MTA3: variants seen among roughly 807,000 people sequenced by gnomAD.
MTA3 encodes metastasis-associated protein MTA3.
In MTA3, 34 loss-of-function variants were observed where a neutral mutation model predicts 83.5. The observed-to-expected ratio is 0.41, with a 90% CI of 0.31 to 0.54. The LOEUF is 0.54. MTA3 is among the 20% of genes least tolerant of loss of function. MTA3 has a pLI of 0.33. For synonymous variants in MTA3, 303 were observed against 252.7 expected (o/e 1.20, Z -1.89); for missense variants, 761 against 726.4 (o/e 1.05, Z -0.55).
At chr2:42,643,242 G>A (rs1328080580) in intron 5 of MTA3, among the ~76,000 whole-genome samples, 1 of 151,974 alleles carries the variant, frequency 6.6e-6, no homozygotes, top group Non-Finnish European at 1.5e-5. Context: ...TTCCTTTGCT[G>A]GGGCTTGGTA....
intron 2 of MTA3, among the ~76,000 whole-genome samples, chr2:42,562,025 A>G (rs115638801): frequency 3.3e-5 from 5 of 152,054 alleles, no homozygotes; most frequent in African/African-American, 1.2e-4. Context: ...CTGGGGGACA[A>G]TCCATCCCAT....
chr2:42,615,711 CTTTTTT>C (rs35331224), intron 4 of MTA3, among the ~76,000 whole-genome samples: 20 of 59,804 alleles, frequency 3.3e-4, no homozygotes, highest in Middle Eastern at 0.025. Flanking sequence ...ATAATCTCTT[CTTTTTT>C]TTTTTTTTTT....
At position 42,701,013 on chromosome 2, in the gene MTA3, G is replaced by T. The variant is rs1693812980; in HGVS notation, c.1025+3179G>T. Among the ~76,000 whole-genome samples, 7 of 152,236 alleles carry T rather than the reference G, an allele frequency of 4.6e-5. No homozygotes were observed. In the South Asian group the frequency reaches 1.5e-3, roughly 32 times the overall value. On this transcript the variant is annotated intron_variant, in intron 11 of 16. Transcript: ENST00000405094. The stretch of plus-strand genomic sequence containing the variant: ...CTTGGGAGGCTGAGGTAGGAGGATT[G>T]CTTGAACCTGGGGGTTTGATGCTGC...
chr2:42,539,444 G>C (rs866810645), intron 2 of MTA3, among the ~76,000 whole-genome samples: 1 of 152,146 alleles, frequency 6.6e-6, no homozygotes, highest in Middle Eastern at 3.4e-3. Flanking sequence ...CACGAGAATA[G>C]CATGGGGGAA....
intron 4 of MTA3, among the ~76,000 whole-genome samples, chr2:42,613,254 C>T (rs1031971513): frequency 6.6e-5 from 10 of 152,176 alleles, no homozygotes; most frequent in Non-Finnish European, 2.9e-5. Context: ...AGGGACCTAG[C>T]TTATAAATTC....
chr2:42,562,364 G>T (rs1022499799), intron 2 of MTA3, among the ~76,000 whole-genome samples: 1 of 152,070 alleles, frequency 6.6e-6, no homozygotes, highest in Admixed American at 6.6e-5. Context: ...AGTCAGATTT[G>T]CTTTTTCAGG....
intron 8 of MTA3, among the ~76,000 whole-genome samples, chr2:42,667,796 A>C (rs1225080198): frequency 1.3e-5 from 2 of 151,722 alleles, no homozygotes; most frequent in African/African-American, 4.8e-5. Context: ...ATGTGCTACC[A>C]CTCCCAGCTA....
intron 3 of MTA3, among the ~76,000 whole-genome samples, chr2:42,589,962 A>G (rs1433091101): frequency 2.0e-5 from 3 of 152,174 alleles, no homozygotes; most frequent in Non-Finnish European, 1.5e-5. Flanking sequence ...GCCTGTATAT[A>G]AGACAAGGGC....
At position 42,697,742 on chromosome 2, in the gene MTA3, G is replaced by C. The variant is rs759425785; in HGVS notation, c.967-34G>C. On this transcript the variant is annotated intron_variant, in intron 10 of 16. Coordinates refer to ENST00000405094, the MANE Select transcript of MTA3 (RefSeq NM_001330442.2). ...TGAACAGTAGTAATAATTAGGCATT[G>C]CATGTAAAATGTTTTATTCATCTTT... 5.2e-5 allele frequency: 73 copies of C among 1,398,062 alleles called. No individual in the cohort carries two copies. The South Asian group carries it at 9.5e-4, about 18-fold the overall frequency. 86.6% of individuals were successfully genotyped at this position (1,398,062 alleles called of 1,614,324 possible).
At chr2:42,702,069 G>C (rs775204861) in intron 11 of MTA3, among the ~76,000 whole-genome samples, 1 of 151,974 alleles carries the variant, frequency 6.6e-6, no homozygotes, top group Non-Finnish European at 1.5e-5. Context: ...AAATTAGGCA[G>C]GCGTGGTGGC....
Position 42,682,430 on chromosome 2 carries a change from C to T in MTA3, c.732C>T (p.His244=), listed in dbSNP as rs1016885487. 2 of 1,609,996 alleles carry T rather than the reference C, an allele frequency of 1.2e-6. No homozygotes were observed. The highest frequency in any genetic ancestry group is 1.1e-5 in the South Asian group (1 of 90,236). The change falls in exon 9 of 17, where the codon CAC becomes CAT. Residue 244 remains histidine (H), a synonymous_variant. Transcript: ENST00000405094. ...LFHAMDTLYR[H]SYDLSSAISV... Reference sequence around the variant, plus strand: ...ACGCTATGGATACATTGTATAGACACAGCTATGATTTGAGCAGTGCCATTA... The same window carrying T: ...ACGCTATGGATACATTGTATAGACATAGCTATGATTTGAGCAGTGCCATTA...
At chr2:42,746,616 T>G (rs1227213831) in intron 16 of MTA3, among the ~76,000 whole-genome samples, 3 of 152,248 alleles carry the variant, frequency 2.0e-5, no homozygotes, top group African/African-American at 7.2e-5. Flanking sequence ...GATTCTGACC[T>G]GCTGGCTATA....
chr2:42,500,104 A>G (rs1674330136), intron 2 of MTA3, among the ~76,000 whole-genome samples: 1 of 152,104 alleles, frequency 6.6e-6, no homozygotes, highest in African/African-American at 2.4e-5. Context: ...CTCTGTCTCT[A>G]CTAAAAATAC....
chr2:42,724,465 C>T (rs1251367378), intron 16 of MTA3, among the ~76,000 whole-genome samples: 1 of 151,972 alleles, frequency 6.6e-6, no homozygotes, highest in Non-Finnish European at 1.5e-5. Flanking sequence ...GCCTGGGCAA[C>T]ACAGAGAGAC....
chr2:42,532,339 A>T (rs1676017563), intron 2 of MTA3, among the ~76,000 whole-genome samples: 1 of 152,100 alleles, frequency 6.6e-6, no homozygotes, highest in Admixed American at 6.6e-5. Flanking sequence ...GGTGAACCCC[A>T]TCTCTACTAA....
At chr2:42,617,081 C>G (rs1282819661) in intron 4 of MTA3, among the ~76,000 whole-genome samples, 1 of 152,064 alleles carries the variant, frequency 6.6e-6, no homozygotes, top group African/African-American at 2.4e-5. Flanking sequence ...AATTTAAGAG[C>G]AATTTGCAGC....
At chr2:42,746,541 C>T (rs560114725) in intron 16 of MTA3, among the ~76,000 whole-genome samples, 8 of 152,276 alleles carry the variant, frequency 5.3e-5, no homozygotes, top group African/African-American at 1.9e-4. Flanking sequence ...GAGGGCTCTC[C>T]CAGTCCCACA....
chr2:42,543,100 T>A (rs537008929), intron 2 of MTA3, among the ~76,000 whole-genome samples: 205 of 152,174 alleles, frequency 1.3e-3, no homozygotes, highest in African/African-American at 4.6e-3. Context: ...TCATGCTGAT[T>A]CCATTTCTCT....
chr2:42,752,253 A>G (rs1476457165), intron 16 of MTA3: 1 of 471,338 alleles, frequency 2.1e-6, no homozygotes, highest in Non-Finnish European at 4.4e-6. Flanking sequence ...TGAAGTGAAG[A>G]CACAGCTCTG....
Sources: allele counts gnomAD v4.1 joint callset (sites outside exome capture counted in the v4.1 genomes callset), GRCh38; gene constraint gnomAD v4.1.1; transcripts MANE v1.5; gene names NCBI Gene and HGNC (gene_info 2026-07-23, HGNC 2026-07-21).